GPM6A: variants seen among roughly 807,000 people sequenced by gnomAD.
GPM6A encodes the protein neuronal membrane glycoprotein M6-a.
GPM6A carries 7 observed loss-of-function variants against 32.1 expected under a neutral mutation model. That is an observed-to-expected ratio of 0.22 (90% CI 0.12 to 0.41). The LOEUF is 0.41. Ranked by LOEUF, GPM6A falls within the 10% of genes least tolerant of loss-of-function variation. The pLI is 1.00. For missense variants in GPM6A, 235 were observed against 347.2 expected (o/e 0.68, Z 2.57); for synonymous variants, 130 against 123.4 (o/e 1.05, Z -0.35).
intron 1 of GPM6A, among the ~76,000 whole-genome samples, chr4:175,786,463 T>C (rs774915814): frequency 1.6e-4 from 24 of 151,826 alleles, no homozygotes; most frequent in Non-Finnish European, 3.1e-4. Flanking sequence ...CTTATTTCAG[T>C]CCCTCACTTC....
At chr4:175,665,000 A>C (rs1005433509) in intron 3 of GPM6A, among the ~76,000 whole-genome samples, 2 of 152,192 alleles carry the variant, frequency 1.3e-5, no homozygotes, top group African/African-American at 4.8e-5. Flanking sequence ...CAGGATGGTA[A>C]GTATTTGTGT....
At chr4:175,785,770 TA>T (rs1216402830) in intron 1 of GPM6A, among the ~76,000 whole-genome samples, 4 of 152,060 alleles carry the variant, frequency 2.6e-5, no homozygotes, top group Admixed American at 1.3e-4. Context: ...GCACTGTATA[TA>T]AAGACAAATA....
chr4:175,701,437 C>G, intron 2 of GPM6A, 138 bp downstream of exon 2: 1 of 651,414 alleles, frequency 1.5e-6, no homozygotes, highest in African/African-American at 1.8e-5. Context: ...TCATGATTAC[C>G]CTTTTGAATC....
chr4:175,972,740 G>C (rs1053771799), intron 1 of GPM6A, among the ~76,000 whole-genome samples: 1 of 152,090 alleles, frequency 6.6e-6, no homozygotes, highest in Non-Finnish European at 1.5e-5. Context: ...ATGCTTTTTA[G>C]TGGTTCGAAA....
intron 1 of GPM6A, chr4:175,970,982 G>C (rs1474151310): frequency 7.1e-6 from 3 of 425,266 alleles, no homozygotes; most frequent in African/African-American, 2.1e-5. Flanking sequence ...AGCGCAGAGC[G>C]CTCCTGGGGA....
At chr4:175,871,766 C>T (rs1037651853) in intron 1 of GPM6A, among the ~76,000 whole-genome samples, 2 of 152,170 alleles carry the variant, frequency 1.3e-5, no homozygotes, top group Admixed American at 6.5e-5. Context: ...CATTATGACT[C>T]TTTAACCTTG....
intron 1 of GPM6A, among the ~76,000 whole-genome samples, chr4:175,889,367 A>T (rs1274912904): frequency 6.6e-6 from 1 of 152,128 alleles, no homozygotes; most frequent in Non-Finnish European, 1.5e-5. Context: ...CTACAAAAAA[A>T]TTTTAAAATT....
chr4:175,994,516 C>T (rs1741245045), intron 1 of GPM6A, among the ~76,000 whole-genome samples: 1 of 152,116 alleles, frequency 6.6e-6, no homozygotes, highest in South Asian at 2.1e-4. Context: ...TGTGCAATAG[C>T]ATTATGTCTA....
chr4:175,721,166 T>TATATATATATATATA (rs55909333), intron 1 of GPM6A, among the ~76,000 whole-genome samples: 1 of 145,496 alleles, frequency 6.9e-6, no homozygotes, highest in Non-Finnish European at 1.5e-5. Context: ...TATATATATA[T>TATATATATATATATA]TTTCTATTTT....
intron 3 of GPM6A, among the ~76,000 whole-genome samples, chr4:175,653,650 A>T (rs553610533): frequency 3.3e-5 from 5 of 152,274 alleles, no homozygotes; most frequent in Non-Finnish European, 5.9e-5. Flanking sequence ...CATTCCTTTT[A>T]GAATTATTTT....
At chr4:175,864,012 G>GA (rs199924893) in intron 1 of GPM6A, among the ~76,000 whole-genome samples, 4,669 of 151,258 alleles carry the variant, frequency 0.031, 210 homozygotes, top group African/African-American at 0.1. Flanking sequence ...GAAAAAAAAA[G>GA]AAAAAAAAAT....
At chr4:175,744,012 G>A (rs4577520) in intron 1 of GPM6A, among the ~76,000 whole-genome samples, 32,881 of 150,564 alleles carry the variant, frequency 0.22, 3,847 homozygotes, top group East Asian at 0.26. Context: ...GAACAAAAAG[G>A]TTAACAAACT....
In GPM6A at chr4:175,713,619, T is replaced by G. The variant is rs1745673103; in HGVS notation, c.38-11852A>C. 7.9e-5 allele frequency among the ~76,000 whole-genome samples: 12 copies of G among 152,312 alleles called. No individual in the cohort carries two copies. In the South Asian group the frequency reaches 2.5e-3, roughly 32 times the overall value. ...AGAGCACAAAGTCAAAGTAAATATTTGAATCATTAAGAACACAGAGGCATT... is the reference window on the plus strand; with the variant it reads ...AGAGCACAAAGTCAAAGTAAATATTGGAATCATTAAGAACACAGAGGCATT... On this transcript the variant is annotated intron_variant, in intron 1 of 6. Coordinates refer to ENST00000393658, the MANE Select transcript of GPM6A (RefSeq NM_201591.3).
chr4:175,897,305 C>T (rs1216266934), intron 1 of GPM6A, among the ~76,000 whole-genome samples: 2 of 152,124 alleles, frequency 1.3e-5, no homozygotes, highest in Non-Finnish European at 2.9e-5. Context: ...AGTCAGAGAA[C>T]AAGGATAATA....
chr4:175,958,117 T>A (rs757767869), intron 1 of GPM6A, among the ~76,000 whole-genome samples: 1 of 152,202 alleles, frequency 6.6e-6, no homozygotes, highest in South Asian at 2.1e-4. Context: ...CGTCTCGAAC[T>A]CCTTACTTCA....
At chr4:175,987,267 A>G (rs1378203631) in intron 1 of GPM6A, among the ~76,000 whole-genome samples, 1 of 152,218 alleles carries the variant, frequency 6.6e-6, no homozygotes, top group East Asian at 1.9e-4. Context: ...TTTTAGGACC[A>G]TCTCTAAGTG....
chr4:175,899,532 C>A (rs1737888027), intron 1 of GPM6A, among the ~76,000 whole-genome samples: 1 of 152,116 alleles, frequency 6.6e-6, no homozygotes, highest in Non-Finnish European at 1.5e-5. Context: ...ACACACAGAC[C>A]AATGGAACAG....
At chr4:175,759,924 A>T (rs1460166885) in intron 1 of GPM6A, among the ~76,000 whole-genome samples, 1 of 152,196 alleles carries the variant, frequency 6.6e-6, no homozygotes, top group Non-Finnish European at 1.5e-5. Context: ...TCACGCATGT[A>T]ATCCTAGCAC....
intron 4 of GPM6A, among the ~76,000 whole-genome samples, chr4:175,643,932 C>T (rs1741300681): frequency 6.6e-6 from 1 of 152,096 alleles, no homozygotes. Flanking sequence ...GTGCCGGCCA[C>T]CCACTGCACA....
Sources: gnomAD v4.1 joint callset for allele counts (sites outside exome capture counted in the v4.1 genomes callset) on GRCh38, gnomAD v4.1.1 for gene constraint, MANE v1.5 for transcripts, NCBI Gene and HGNC (gene_info 2026-07-23, HGNC 2026-07-21) for gene names.